Variants in VWA7 observed in about 807,000 individuals in gnomAD.
VWA7 encodes von Willebrand factor A domain containing 7.
Under a neutral mutation model 83.1 loss-of-function variants are expected in VWA7, and 66 were observed. That is an observed-to-expected ratio of 0.79 (90% CI 0.65 to 0.98). The LOEUF (loss-of-function observed/expected upper bound fraction) is 0.98, where lower values mean the gene tolerates loss of function less well. Ranked by LOEUF, VWA7 falls within the 50% of genes least tolerant of loss-of-function variation. The pLI is 0.00. For missense variants in VWA7, 1,080 were observed against 1,160.2 expected, an observed-to-expected ratio of 0.93 and a Z score of 1.00; for synonymous variants, 424 against 488.5, an observed-to-expected ratio of 0.87 and a Z score of 1.74.
In VWA7 at chr6:31,776,859, C is replaced by T. The variant is rs981889531; in HGVS notation, c.-15-65G>A. 1.0e-5 allele frequency: 10 copies of T among 969,152 alleles called. No individual in the cohort carries two copies. Among genetic ancestry groups the T allele is most frequent in the South Asian group, 8.8e-5 (4 of 45,402 alleles). The allele number at this position is 969,152 out of a possible 1,614,324, so 60.0% of individuals were successfully genotyped here. On this transcript the variant is annotated intron_variant, in intron 1 of 16. Coordinates refer to ENST00000375688, the MANE Select transcript of VWA7 (RefSeq NM_025258.3). This position sits in a 1 kb window ranked among gnomAD's most constrained non-coding sequence, Gnocchi z 6.2. ...GCGATTCCAGGGCAGGCCGGCTCTGCGGGTCTCCATGGGAACCTGCTTTAC... is the reference window on the plus strand; with the variant it reads ...GCGATTCCAGGGCAGGCCGGCTCTGTGGGTCTCCATGGGAACCTGCTTTAC...
In VWA7 at chr6:31,773,042, G is replaced by A; in HGVS notation, c.999C>T (p.Ala333=). 6.2e-6 allele frequency: 10 copies of A among 1,612,582 alleles called. No individual in the cohort carries two copies. Among genetic ancestry groups the A allele is most frequent in the Non-Finnish European group, 8.5e-6 (10 of 1,179,870 alleles). The stretch of plus-strand genomic sequence containing the variant: ...CCACAAGGTGGCGAGCCTGGATTTT[G>A]GCAGCGTTGATCTCCTCACCCATGC... ...TGSMGEEINA[A]KIQARHLVEQ... Residue 333 remains alanine (A), a synonymous_variant, in exon 7 of 17, where the codon GCC becomes GCT. Coordinates refer to ENST00000375688, the MANE Select transcript of VWA7 (RefSeq NM_025258.3). The surrounding 1 kb of genome is among the most constrained non-coding windows in gnomAD (Gnocchi z 5.3).
chr6:31,766,161 G>T lies in VWA7; in HGVS notation c.2324+84C>A. On this transcript the variant is annotated intron_variant, in intron 15 of 16. Coordinates refer to ENST00000375688, the MANE Select transcript of VWA7 (RefSeq NM_025258.3). This position sits in a 1 kb window ranked among gnomAD's most constrained non-coding sequence, Gnocchi z 4.9. ...GCGGAGAGGAGGATTCTGAGGGCCA[G>T]TCGGAGGGGGACAGGGGCAGGGCTT... 1 of 1,593,156 alleles carries T rather than the reference G, an allele frequency of 6.3e-7. No individual in the cohort carries two copies. The highest frequency in any genetic ancestry group is 1.7e-5 in the Admixed American group (1 of 58,312).
In VWA7 at chr6:31,767,377, C is replaced by T. The variant is rs1204004899; in HGVS notation, c.1774G>A (p.Gly592Arg). ...EIQVTAEDTP[G>R]VRVQAQTSLD... ...CCCTCCTTACCTTGCACTCTCACCC[C>T]AGGGGTGTCCTCAGCTGTGACCTGG... The change falls in exon 12 of 17, where the codon GGG becomes AGG. Residue 592 changes from glycine (G) to arginine (R), a missense_variant. Coordinates refer to ENST00000375688, the MANE Select transcript of VWA7 (RefSeq NM_025258.3). 1.2e-6 allele frequency: 2 copies of T among 1,613,312 alleles called. No individual in the cohort carries two copies. The highest frequency in any genetic ancestry group is 4.5e-5 in the East Asian group (2 of 44,864).
chr6:31,772,575 C>CTTTTTTTTTTT (rs1812284314), intron 7 of VWA7, among the ~76,000 whole-genome samples: 1 of 85,494 alleles, frequency 1.2e-5, no homozygotes, highest in African/African-American at 4.5e-5. Context: ...TTTTTTTTTT[C>CTTTTTTTTTTT]TTTCTTTTCT....
chr6:31,768,139 C>CAAAAAAAAAAAAAA (rs9279412), intron 10 of VWA7, among the ~76,000 whole-genome samples: 1 of 77,106 alleles, frequency 1.3e-5, no homozygotes, highest in Non-Finnish European at 2.4e-5. Flanking sequence ...GACTCTGTCT[C>CAAAAAAAAAAAAAA]AAAAAAAAAA....
Position 31,766,288 on chromosome 6 carries a change from T to A in VWA7, c.2281A>T (p.Thr761Ser). The A allele has an allele frequency of 6.2e-7, 1 of 1,612,374 alleles. No individual in the cohort carries two copies. The change falls in exon 15 of 17, where the codon ACT becomes TCT. Residue 761 changes from threonine to serine, a missense_variant. Coordinates refer to ENST00000375688, the MANE Select transcript of VWA7 (RefSeq NM_025258.3). The surrounding 1 kb of genome is among the most constrained non-coding windows in gnomAD (Gnocchi z 4.9). ...AGGGAGAAGCTGGGGTTGACGAAAG[T>A]CCTAAGGTCAAGATCCTGAGGGCCC... The part of the protein sequence containing the change: ...FSGPQDLDLR[T>S]FVNPSFSLTS...
At chr6:31,768,880 G>T in intron 10 of VWA7, 138 bp downstream of exon 10, 1 of 973,262 alleles carries the variant, frequency 1.0e-6, no homozygotes, top group East Asian at 2.8e-5. Flanking sequence ...GGATCTAAGA[G>T]GAAGAGAAAC....
chr6:31,774,667 C>G (rs992705371), intron 4 of VWA7, 41 bp from the exon 5 acceptor site: 1 of 1,547,074 alleles, frequency 6.5e-7, no homozygotes, highest in African/African-American at 1.4e-5. Context: ...GATTCTGCCA[C>G]CCCCAGCCTT....
Position 31,775,489 on chromosome 6 carries a change from C to T in VWA7, c.514-60G>A. ...CTAGTCTGGCCTTTCTCACCATCTC[C>T]AGCACTAATATGCCACTCCTTTGAG... is the stretch of plus-strand genomic sequence containing the variant. On this transcript the variant is annotated intron_variant, in intron 3 of 16. Coordinates refer to ENST00000375688, the MANE Select transcript of VWA7 (RefSeq NM_025258.3). The surrounding 1 kb of genome is among the most constrained non-coding windows in gnomAD (Gnocchi z 5.9). 20 of 1,478,240 alleles carry T rather than the reference C, an allele frequency of 1.4e-5. No homozygotes were observed. The highest frequency in any genetic ancestry group is 1.8e-5 in the Non-Finnish European group (19 of 1,075,598). 91.6% of individuals were successfully genotyped at this position (1,478,240 alleles called of 1,614,324 possible).
intron 7 of VWA7, among the ~76,000 whole-genome samples, chr6:31,770,978 G>A (rs1271634620): frequency 6.7e-6 from 1 of 148,390 alleles, no homozygotes; most frequent in East Asian, 2.0e-4. Flanking sequence ...CTCCAACCTG[G>A]GTGACAGAGT....
chr6:31,769,755 A>G lies in VWA7; in HGVS notation c.1237T>C (p.Phe413Leu). ...LLHTPPLSDI[F>L]VFTDASPKDA... is the part of the protein sequence containing the mutation. ...TTGGGGGAGGCATCCGTGAAGACAA[A>G]GATATCTGAGAGTGGAGGTGTGTGC... Residue 413 changes from phenylalanine to leucine, a missense_variant, in exon 9 of 17, where the codon TTT (phenylalanine) becomes CTT (leucine). Transcript: ENST00000375688. This position sits in a 1 kb window ranked among gnomAD's most constrained non-coding sequence, Gnocchi z 4.5. The G allele has an allele frequency of 6.2e-7, 1 of 1,613,100 alleles. No individual in the cohort carries two copies. The highest frequency in any genetic ancestry group is 1.1e-5 in the South Asian group (1 of 91,088).
rs1400868738 is a variant in VWA7, at chr6:31,769,760, T to C, written c.1232A>G (p.Asp411Gly). The change falls in exon 9 of 17, where the codon GAT becomes GGT. Residue 411 changes from aspartate to glycine, a missense_variant. Transcript: ENST00000375688. This position sits in a 1 kb window ranked among gnomAD's most constrained non-coding sequence, Gnocchi z 4.5. ...LALLHTPPLS[D>G]IFVFTDASPK... is the part of the protein sequence containing the mutation. The stretch of plus-strand genomic sequence containing the variant: ...GGAGGCATCCGTGAAGACAAAGATA[T>C]CTGAGAGTGGAGGTGTGTGCAGCAG... 2 of 1,613,064 alleles carry C rather than the reference T, an allele frequency of 1.2e-6. No individual in the cohort carries two copies. The highest frequency in any genetic ancestry group is 1.7e-6 in the Non-Finnish European group (2 of 1,180,024).
In VWA7 at chr6:31,772,584, C is replaced by CTTT. The variant is rs9279415; in HGVS notation, c.1087+367_1087+369dup. ...CTTTTCTTTTTTTTTTCTTTCTTTT[C>CTTT]TTTTTTTTTTTTTTTTTTTTTTTTT... On this transcript the variant is annotated intron_variant, in intron 7 of 16. Coordinates refer to ENST00000375688, the MANE Select transcript of VWA7 (RefSeq NM_025258.3). 6.2e-3 allele frequency among the ~76,000 whole-genome samples: 218 copies of CTTT among 35,060 alleles called. 11 individuals are homozygous for CTTT. The highest frequency in any genetic ancestry group is 0.012 in the African/African-American group (91 of 7,376). 23.0% of individuals were successfully genotyped at this position (35,060 alleles called of 152,430 possible).
intron 13 of VWA7, 84 bp downstream of exon 13, chr6:31,767,074 A>AAT (rs959366143): frequency 1.5e-5 from 5 of 344,496 alleles, no homozygotes; most frequent in Middle Eastern, 7.9e-4. Context: ...TTATATATAT[A>AAT]ATATATATAT....
chr6:31,768,387 T>A (rs1424819941), intron 10 of VWA7, among the ~76,000 whole-genome samples: 1 of 150,514 alleles, frequency 6.6e-6, no homozygotes, highest in Non-Finnish European at 1.5e-5. Context: ...GGCAGGAGGA[T>A]CACTTGAGGC....
In VWA7 at chr6:31,777,296, C is replaced by A. The variant is rs113040835; in HGVS notation, c.-203G>T. The A allele has an allele frequency of 4.8e-4, 250 of 521,214 alleles. 1 individual carries two copies. The highest frequency in any genetic ancestry group is 3.4e-3 in the African/African-American group (178 of 52,096). The allele number at this position is 521,214 out of a possible 1,614,324, so 32.3% of individuals were successfully genotyped here. A position where few individuals can be genotyped will look rare whatever the true frequency, so the allele number is the denominator to read the frequency against. ...CCACAGGCAGCAGCCCACGCCAGGGCGGGCCTCCCTTGGCTGCAGTGCGGA... is the reference window on the plus strand; with the variant it reads ...CCACAGGCAGCAGCCCACGCCAGGGAGGGCCTCCCTTGGCTGCAGTGCGGA... On this transcript the variant is annotated 5_prime_UTR_variant, in exon 1 of 17. Coordinates refer to ENST00000375688, the MANE Select transcript of VWA7 (RefSeq NM_025258.3). The surrounding 1 kb of genome is among the most constrained non-coding windows in gnomAD (Gnocchi z 5.8).
intron 16 of VWA7, 40 bp from the exon 17 acceptor site, chr6:31,765,810 C>G: frequency 6.3e-7 from 1 of 1,593,940 alleles, no homozygotes; most frequent in African/African-American, 1.3e-5. Flanking sequence ...TGTGCTAGAG[C>G]TGTACTCAAA....
At chr6:31,767,850 G>A (rs958261130) in intron 10 of VWA7, 96 bp from the exon 11 acceptor site, 3 of 1,440,210 alleles carry the variant, frequency 2.1e-6, no homozygotes, top group East Asian at 2.4e-5. Context: ...CCACGTCATT[G>A]GGCCGGGCGC....
At chr6:31,772,435 A>G (rs137859769) in intron 7 of VWA7, among the ~76,000 whole-genome samples, 1 of 151,826 alleles carries the variant, frequency 6.6e-6, no homozygotes, top group East Asian at 1.9e-4. Flanking sequence ...TACAGGTGTG[A>G]GCCACCCCAC....
Sources: gnomAD v4.1 joint callset for allele counts (sites outside exome capture counted in the v4.1 genomes callset) on GRCh38, gnomAD v4.1.1 for gene constraint, Gnocchi (gnomAD v3.1) non-coding constraint, MANE v1.5 for transcripts, NCBI Gene and HGNC (gene_info 2026-07-23, HGNC 2026-07-21) for gene names.